The following RALYL variants were observed in gnomAD, a reference collection of about 807,000 sequenced individuals.
RALYL encodes the protein RNA-binding Raly-like protein.
In RALYL, 29 loss-of-function variants were observed where a neutral mutation model predicts 35.1. The observed-to-expected ratio is 0.83, with a 90% CI of 0.61 to 1.13. The LOEUF (loss-of-function observed/expected upper bound fraction) is 1.13, where lower values mean the gene tolerates loss of function less well. Among genes scored for constraint, RALYL ranks in the 50% most tolerant of loss-of-function variants. The pLI, the probability that RALYL is intolerant of heterozygous loss-of-function variation, is 0.00. For missense variants in RALYL, 359 were observed against 360.4 expected (o/e 1.00, Z 0.03); for synonymous variants, 120 against 127.6 (o/e 0.94, Z 0.40).
At chr8:84,792,161 A>G (rs1418299158) in intron 3 of RALYL, among the ~76,000 whole-genome samples, 1 of 152,258 alleles carries the variant, frequency 6.6e-6, no homozygotes, top group African/African-American at 2.4e-5. Context: ...TAACTAGCTC[A>G]GTACCCTCTT....
chr8:84,782,303 C>T (rs1446640924), intron 3 of RALYL, among the ~76,000 whole-genome samples: 1 of 152,132 alleles, frequency 6.6e-6, no homozygotes, highest in Non-Finnish European at 1.5e-5. Context: ...TTGGCTTATC[C>T]ACTCAGCTTC....
At chr8:84,366,261 G>A (rs1586631415) in intron 1 of RALYL, among the ~76,000 whole-genome samples, 1 of 152,138 alleles carries the variant, frequency 6.6e-6, no homozygotes, top group Non-Finnish European at 1.5e-5. Flanking sequence ...CCATTAAAAC[G>A]TTGTATGACC....
At chr8:84,875,297 C>T (rs1185708230) in intron 7 of RALYL, among the ~76,000 whole-genome samples, 2 of 152,048 alleles carry the variant, frequency 1.3e-5, no homozygotes, top group African/African-American at 2.4e-5. Context: ...TTATGGAGAA[C>T]TCATTTAAAT....
intron 2 of RALYL, among the ~76,000 whole-genome samples, chr8:84,619,702 A>G (rs1820819886): frequency 6.6e-6 from 1 of 150,918 alleles, no homozygotes; most frequent in South Asian, 2.1e-4. Context: ...TGGTCTTTAC[A>G]TTTTGGCATG....
intron 2 of RALYL, among the ~76,000 whole-genome samples, chr8:84,739,230 A>G (rs934695969): frequency 6.6e-6 from 1 of 151,960 alleles, no homozygotes; most frequent in Admixed American, 6.6e-5. Flanking sequence ...GTAAGTTCAT[A>G]AACAATTATC....
At chr8:84,277,294 C>A (rs1002318425) in intron 1 of RALYL, among the ~76,000 whole-genome samples, 2 of 152,118 alleles carry the variant, frequency 1.3e-5, no homozygotes, top group African/African-American at 4.8e-5. Flanking sequence ...ATTTATAAAA[C>A]CATCAGATCT....
chr8:84,450,705 C>CAATAA (rs2049374045), intron 1 of RALYL, among the ~76,000 whole-genome samples: 1 of 151,798 alleles, frequency 6.6e-6, no homozygotes, highest in African/African-American at 2.4e-5. Flanking sequence ...AAAAGTTAGG[C>CAATAA]ACTTTATGGA....
chr8:84,724,719 T>A (rs1844620752), intron 2 of RALYL, among the ~76,000 whole-genome samples: 1 of 151,806 alleles, frequency 6.6e-6, no homozygotes, highest in Admixed American at 6.6e-5. Context: ...TATTTCATCA[T>A]CTTCCCCACA....
At chr8:84,511,279 A>T (rs1446618556) in intron 1 of RALYL, among the ~76,000 whole-genome samples, 4 of 152,218 alleles carry the variant, frequency 2.6e-5, no homozygotes, top group African/African-American at 9.6e-5. Context: ...CTGGAGTTAA[A>T]CTTAGGCATT....
chr8:84,830,024 G>T (rs1043845312), intron 4 of RALYL, among the ~76,000 whole-genome samples: 8 of 140,296 alleles, frequency 5.7e-5, no homozygotes, highest in Non-Finnish European at 9.3e-5. Context: ...ACTGGGGGGG[G>T]GGGGGCATTT....
At chr8:84,802,305 G>A (rs1414320771) in intron 3 of RALYL, among the ~76,000 whole-genome samples, 1 of 152,048 alleles carries the variant, frequency 6.6e-6, no homozygotes, top group Non-Finnish European at 1.5e-5. Flanking sequence ...TCTTAGCTTG[G>A]GGCTATACAC....
intron 1 of RALYL, among the ~76,000 whole-genome samples, chr8:84,216,045 A>C (rs1280628613): frequency 1.3e-5 from 2 of 152,088 alleles, no homozygotes; most frequent in East Asian, 3.9e-4. Context: ...ACAATGCCAC[A>C]TTTTGCACTT....
At chr8:84,541,718 T>C (rs564515864) in intron 2 of RALYL, among the ~76,000 whole-genome samples, 3 of 152,200 alleles carry the variant, frequency 2.0e-5, no homozygotes, top group East Asian at 1.9e-4. Context: ...TATTTTGTTT[T>C]ATATATTTGA....
At chr8:84,826,050 G>T (rs1376847949) in intron 4 of RALYL, among the ~76,000 whole-genome samples, 2 of 151,606 alleles carry the variant, frequency 1.3e-5, no homozygotes, top group Non-Finnish European at 2.9e-5. Context: ...ATTAATGCAG[G>T]AACAAAAAAA....
At chr8:84,570,516 T>C (rs1807688169) in intron 2 of RALYL, among the ~76,000 whole-genome samples, 1 of 151,862 alleles carries the variant, frequency 6.6e-6, no homozygotes, top group Non-Finnish European at 1.5e-5. Flanking sequence ...TACAATGATG[T>C]CATCAGGACC....
chr8:84,561,437 C>CAA (rs2061463472), intron 2 of RALYL, among the ~76,000 whole-genome samples: 1 of 151,652 alleles, frequency 6.6e-6, no homozygotes, highest in Non-Finnish European at 1.5e-5. Context: ...TATCTGTGGC[C>CAA]AATATATTCT....
chr8:84,303,644 A>G (rs1225936435), intron 1 of RALYL, among the ~76,000 whole-genome samples: 1 of 152,268 alleles, frequency 6.6e-6, no homozygotes, highest in African/African-American at 2.4e-5. Context: ...AGGAAAGCTC[A>G]GTAAAGGCAG....
intron 1 of RALYL, among the ~76,000 whole-genome samples, chr8:84,329,951 C>T (rs1290376050): frequency 6.6e-6 from 1 of 151,820 alleles, no homozygotes; most frequent in Admixed American, 6.6e-5. Flanking sequence ...TTTAAAAGCA[C>T]TACCTTATAG....
intron 1 of RALYL, among the ~76,000 whole-genome samples, chr8:84,476,956 G>A (rs1195618666): frequency 6.6e-6 from 1 of 152,108 alleles, no homozygotes. Context: ...ATGAAGACAT[G>A]GTTTTGGAAG....
Sources: allele counts gnomAD v4.1 joint callset (sites outside exome capture counted in the v4.1 genomes callset), GRCh38; gene constraint gnomAD v4.1.1; transcripts MANE v1.5; gene names NCBI Gene and HGNC (gene_info 2026-07-23, HGNC 2026-07-21).